ASTN2: variants seen among roughly 807,000 people sequenced by gnomAD.
ASTN2 encodes astrotactin 2.
Under a neutral mutation model 139.8 loss-of-function variants are expected in ASTN2, and 54 were observed. The ratio of observed to expected loss-of-function variants is 0.39; its 90% confidence interval spans 0.31 to 0.48. The LOEUF (loss-of-function observed/expected upper bound fraction) is 0.48. Among genes scored for constraint, ASTN2 ranks in the 20% least tolerant of loss-of-function variants. The pLI is 0.95. For missense variants in ASTN2, 1,565 were observed against 1,725.1 expected (o/e 0.91, Z 1.64); for synonymous variants, 756 against 719.5 (o/e 1.05, Z -0.81).
intron 10 of ASTN2, among the ~76,000 whole-genome samples, chr9:116,905,340 T>C (rs1037662978): frequency 1.3e-5 from 2 of 152,126 alleles, no homozygotes; most frequent in African/African-American, 4.8e-5. Flanking sequence ...TACCAAGACA[T>C]GCACAGGATA....
At chr9:116,868,932 C>A (rs182746622) in intron 10 of ASTN2, among the ~76,000 whole-genome samples, 2 of 152,300 alleles carry the variant, frequency 1.3e-5, no homozygotes, top group East Asian at 1.9e-4. Flanking sequence ...TGGCTTACAT[C>A]TGTAATCCCT....
At chr9:117,045,167 A>C (rs1334069329) in intron 5 of ASTN2, among the ~76,000 whole-genome samples, 3 of 152,112 alleles carry the variant, frequency 2.0e-5, no homozygotes, top group Non-Finnish European at 4.4e-5. Flanking sequence ...TAAGTCTAAT[A>C]AGAAAAAAAT....
chr9:116,740,805 C>T (rs1457595285), intron 13 of ASTN2, among the ~76,000 whole-genome samples: 3 of 151,638 alleles, frequency 2.0e-5, no homozygotes, highest in Non-Finnish European at 2.9e-5. Context: ...TGAACCACCG[C>T]GCCCGGCGGT....
chr9:116,622,818 A>G lies in ASTN2; in HGVS notation c.3073-2375T>C, dbSNP rs7027582. Among the ~76,000 whole-genome samples the G allele has an allele frequency of 7.0e-3, 1,062 of 152,352 alleles. 11 individuals are homozygous for G. Among genetic ancestry groups the G allele is most frequent in the African/African-American group, 0.025 (1,019 of 41,586 alleles). On this transcript the variant is annotated intron_variant, in intron 17 of 22. Coordinates refer to ENST00000313400, the MANE Select transcript of ASTN2 (RefSeq NM_001365068.1). ...GGGCCAGGGTGTGTCACACAGTAAG[A>G]GCACTGTTCCTCCTAGGTGCCAGAA...
At chr9:117,411,800 C>T (rs921790744) in intron 1 of ASTN2, among the ~76,000 whole-genome samples, 44 of 152,304 alleles carry the variant, frequency 2.9e-4, no homozygotes, top group African/African-American at 1.0e-3. Context: ...TTTGCATGCT[C>T]AGCTGTGGCA....
At chr9:116,684,026 T>C (rs1056977781) in intron 16 of ASTN2, among the ~76,000 whole-genome samples, 27 of 152,158 alleles carry the variant, frequency 1.8e-4, no homozygotes, top group Admixed American at 1.7e-3. Context: ...ACAAGGTTCC[T>C]GACCTGTGGT....
intron 1 of ASTN2, among the ~76,000 whole-genome samples, chr9:117,322,749 T>C (rs142998941): frequency 6.6e-6 from 1 of 152,214 alleles, no homozygotes; most frequent in South Asian, 2.1e-4. Context: ...CAGGTTGGTA[T>C]GAGCTTTGTT....
chr9:116,571,217 A>T (rs1853494940), intron 19 of ASTN2, among the ~76,000 whole-genome samples: 1 of 152,142 alleles, frequency 6.6e-6, no homozygotes, highest in Admixed American at 6.5e-5. Flanking sequence ...ATCAGCTCCT[A>T]CTGTAGCCAT....
chr9:117,390,454 C>T (rs1244284017), intron 1 of ASTN2, among the ~76,000 whole-genome samples: 2 of 152,176 alleles, frequency 1.3e-5, no homozygotes, highest in African/African-American at 4.8e-5. Flanking sequence ...CTGTATCATA[C>T]AGAATCGTTT....
In ASTN2 at chr9:117,409,075, G is replaced by T. The variant is rs1002924246; in HGVS notation, c.442+5422C>A. On this transcript the variant is annotated intron_variant, in intron 1 of 22. Transcript: ENST00000313400. Reference sequence around the variant, plus strand: ...GACTGCTAACCAAATATCTCAATTAGCAGTAAAGGACTTGGTGACCAAATG... The same window carrying T: ...GACTGCTAACCAAATATCTCAATTATCAGTAAAGGACTTGGTGACCAAATG... 5.9e-5 allele frequency among the ~76,000 whole-genome samples: 9 copies of T among 152,110 alleles called. No individual in the cohort carries two copies. In the East Asian group the frequency reaches 1.7e-3, roughly 29 times the overall value.
chr9:116,474,526 C>A (rs1269168684), intron 20 of ASTN2, among the ~76,000 whole-genome samples: 1 of 152,194 alleles, frequency 6.6e-6, no homozygotes, highest in Non-Finnish European at 1.5e-5. Flanking sequence ...GTAATCCCTG[C>A]AGTCCACTAA....
chr9:116,919,521 T>C (rs1394062497), intron 10 of ASTN2, among the ~76,000 whole-genome samples: 1 of 152,086 alleles, frequency 6.6e-6, no homozygotes, highest in Non-Finnish European at 1.5e-5. Flanking sequence ...GTCCCTTAAC[T>C]CCCTGAGTTT....
chr9:116,746,624 T>C (rs1013691931), intron 13 of ASTN2, among the ~76,000 whole-genome samples: 9 of 152,224 alleles, frequency 5.9e-5, no homozygotes, highest in African/African-American at 2.2e-4. Context: ...ACATCTTGCA[T>C]TATTCTGCCT....
chr9:116,977,912 T>C (rs890450295), intron 7 of ASTN2, among the ~76,000 whole-genome samples: 1 of 151,962 alleles, frequency 6.6e-6, no homozygotes, highest in Non-Finnish European at 1.5e-5. Context: ...AGATGGGGTT[T>C]TGTTATATTG....
chr9:117,178,638 G>C (rs1233438839), intron 3 of ASTN2, among the ~76,000 whole-genome samples: 7 of 152,176 alleles, frequency 4.6e-5, no homozygotes, highest in Admixed American at 2.0e-4. Flanking sequence ...TAGGATCTCT[G>C]CTGGCAGGAA....
intron 4 of ASTN2, among the ~76,000 whole-genome samples, chr9:117,104,497 GT>G (rs202203947): frequency 0.066 from 10,074 of 152,156 alleles, 504 homozygotes; most frequent in East Asian, 0.21. Flanking sequence ...GAAGAAAAAA[GT>G]AAAAAGTCAT....
chr9:116,612,157 C>A (rs1027536517), intron 19 of ASTN2: 1 of 152,040 alleles, frequency 6.6e-6, no homozygotes, highest in Admixed American at 6.6e-5. Context: ...ATAGAAGATA[C>A]CTTCTTCGAG....
intron 19 of ASTN2, chr9:116,582,742 C>T (rs1854000874): frequency 6.6e-6 from 1 of 152,210 alleles, no homozygotes; most frequent in Admixed American, 6.5e-5. Context: ...AAACAAGAAA[C>T]CGTGATCAGG....
intron 19 of ASTN2, chr9:116,611,746 T>A (rs1345388423): frequency 1.3e-5 from 2 of 152,108 alleles, no homozygotes; most frequent in African/African-American, 4.8e-5. Context: ...ATTAAATAAC[T>A]AAATTAGTAG....
Sources: gnomAD v4.1 joint callset for allele counts (sites outside exome capture counted in the v4.1 genomes callset) on GRCh38, gnomAD v4.1.1 for gene constraint, MANE v1.5 for transcripts, NCBI Gene and HGNC (gene_info 2026-07-23, HGNC 2026-07-21) for gene names.